The following MAGI2 variants were observed in gnomAD, a reference collection of about 807,000 sequenced individuals.
The protein encoded by MAGI2 is membrane associated guanylate kinase, WW and PDZ domain containing 2.
Under a neutral mutation model 133.3 loss-of-function variants are expected in MAGI2, and 35 were observed. That is an observed-to-expected ratio of 0.26 (90% CI 0.20 to 0.35). The LOEUF (loss-of-function observed/expected upper bound fraction) is 0.35, where lower values mean the gene tolerates loss of function less well. Ranked by LOEUF, MAGI2 falls within the 10% of genes least tolerant of loss-of-function variation. MAGI2 has a pLI of 1.00. For synonymous variants in MAGI2, 729 were observed against 710.6 expected (o/e 1.03, Z -0.41); for missense variants, 1,636 against 1,863.4 (o/e 0.88, Z 2.25).
rs374443655 is a variant in MAGI2, at chr7:78,387,358, A to G, written c.1046-18145T>C. Among the ~76,000 whole-genome samples the G allele has an allele frequency of 3.3e-5, 5 of 152,300 alleles. No homozygotes were observed. The East Asian group carries it at 9.7e-4, about 29-fold the overall frequency. On this transcript the variant is annotated intron_variant, in intron 6 of 21. Coordinates refer to ENST00000354212, the MANE Select transcript of MAGI2 (RefSeq NM_012301.4). Reference sequence around the variant, plus strand: ...ACAGCAGAGACCAGGAAAGATAGCAAACAGCAGGCAGACCACAGACCCACT... The same window carrying G: ...ACAGCAGAGACCAGGAAAGATAGCAGACAGCAGGCAGACCACAGACCCACT...
chr7:79,374,466 G>A (rs1226663654), intron 1 of MAGI2, among the ~76,000 whole-genome samples: 1 of 151,904 alleles, frequency 6.6e-6, no homozygotes, highest in African/African-American at 2.4e-5. Context: ...TTTTCAATGG[G>A]AGCATGGCCC....
intron 20 of MAGI2, among the ~76,000 whole-genome samples, chr7:78,109,685 G>A (rs1283124508): frequency 6.6e-6 from 1 of 152,158 alleles, no homozygotes; most frequent in Non-Finnish European, 1.5e-5. Context: ...TATCCTGCAA[G>A]CAAAGGCAGG....
rs558905102 is a variant in MAGI2 at position 79,128,422 on chromosome 7, T to C, written c.302-121216A>G. ...TTCAACTCATTTGAATGTTAAACTT[T>C]TGAAAACATTTTATTTTGAAATAAA... On this transcript the variant is annotated intron_variant, in intron 1 of 21. Transcript: ENST00000354212. Among the ~76,000 whole-genome samples the C allele has an allele frequency of 8.5e-5, 13 of 152,292 alleles. No homozygotes were observed. The South Asian group carries it at 2.7e-3, about 32-fold the overall frequency.
At chr7:78,777,383 A>G (rs1826065988) in intron 2 of MAGI2, among the ~76,000 whole-genome samples, 1 of 152,150 alleles carries the variant, frequency 6.6e-6, no homozygotes, top group Non-Finnish European at 1.5e-5. Flanking sequence ...TCAGGCATTA[A>G]ATAACATAAT....
intron 2 of MAGI2, among the ~76,000 whole-genome samples, chr7:78,919,166 T>C (rs1448601579): frequency 2.0e-5 from 3 of 152,236 alleles, no homozygotes; most frequent in African/African-American, 7.2e-5. Flanking sequence ...CACTGTGTCT[T>C]TGTAATGTAG....
intron 2 of MAGI2, among the ~76,000 whole-genome samples, chr7:78,806,892 TAAAATA>T (rs1165112861): frequency 6.7e-6 from 1 of 149,068 alleles, no homozygotes; most frequent in East Asian, 2.0e-4. Context: ...TAAAATAAAA[TAAAATA>T]AAATAAAATA....
chr7:78,268,887 C>A (rs1221003520), intron 9 of MAGI2, among the ~76,000 whole-genome samples: 1 of 152,078 alleles, frequency 6.6e-6, no homozygotes, highest in East Asian at 1.9e-4. Flanking sequence ...CTGTACCCTT[C>A]AACCCATCAT....
At chr7:79,035,782 C>T (rs1362909352) in intron 1 of MAGI2, among the ~76,000 whole-genome samples, 1 of 152,094 alleles carries the variant, frequency 6.6e-6, no homozygotes, top group Admixed American at 6.6e-5. Flanking sequence ...TCATGGAGAG[C>T]ACTTTGTTAC....
chr7:78,560,965 T>A (rs1005888307), intron 3 of MAGI2, among the ~76,000 whole-genome samples: 1 of 152,180 alleles, frequency 6.6e-6, no homozygotes, highest in African/African-American at 2.4e-5. Context: ...TCAGGTGTCC[T>A]AGAGAAAGGT....
At chr7:79,352,080 G>A (rs545673394) in intron 1 of MAGI2, among the ~76,000 whole-genome samples, 2 of 152,056 alleles carry the variant, frequency 1.3e-5, no homozygotes, top group Admixed American at 1.3e-4. Flanking sequence ...AATTAATAAT[G>A]GGAAGAATTC....
At chr7:78,295,990 A>G (rs1252501372) in intron 9 of MAGI2, among the ~76,000 whole-genome samples, 1 of 152,012 alleles carries the variant, frequency 6.6e-6, no homozygotes, top group Non-Finnish European at 1.5e-5. Flanking sequence ...CCTCCAAAAT[A>G]TGTATTTACT....
intron 2 of MAGI2, among the ~76,000 whole-genome samples, chr7:79,001,698 T>C (rs1234135490): frequency 6.6e-6 from 1 of 152,226 alleles, no homozygotes; most frequent in Non-Finnish European, 1.5e-5. Context: ...ATTTTTGCTC[T>C]TTAAACATTT....
At chr7:78,823,137 T>C (rs1166740781) in intron 2 of MAGI2, among the ~76,000 whole-genome samples, 21 of 152,206 alleles carry the variant, frequency 1.4e-4, no homozygotes, top group Admixed American at 1.4e-3. Flanking sequence ...AAAGGTTGTC[T>C]GTCAACTTAA....
At chr7:78,090,458 T>C (rs1022313838) in intron 20 of MAGI2, among the ~76,000 whole-genome samples, 4 of 152,010 alleles carry the variant, frequency 2.6e-5, no homozygotes, top group African/African-American at 9.7e-5. Context: ...GGGAGAGTCT[T>C]TGGGGGAGGT....
chr7:78,972,312 CCTTA>C (rs1198390628), intron 2 of MAGI2, among the ~76,000 whole-genome samples: 3 of 151,924 alleles, frequency 2.0e-5, no homozygotes, highest in Non-Finnish European at 2.9e-5. Flanking sequence ...ATATTTCCTT[CCTTA>C]CTATCAAAAA....
chr7:78,499,597 C>G (rs2150520050), intron 5 of MAGI2, among the ~76,000 whole-genome samples: 1 of 152,278 alleles, frequency 6.6e-6, no homozygotes, highest in Non-Finnish European at 1.5e-5. Context: ...TTCTTCACAA[C>G]CTCAAAACCT....
At chr7:78,278,865 TG>T (rs1324682996) in intron 9 of MAGI2, among the ~76,000 whole-genome samples, 1 of 152,212 alleles carries the variant, frequency 6.6e-6, no homozygotes, top group African/African-American at 2.4e-5. Context: ...ACTCTGGTTT[TG>T]TTTCTCTGGA....
chr7:78,681,672 C>T (rs890709324), intron 2 of MAGI2, among the ~76,000 whole-genome samples: 2 of 152,058 alleles, frequency 1.3e-5, no homozygotes, highest in African/African-American at 4.8e-5. Flanking sequence ...AGGAAGGAGA[C>T]CTGGGGAGAA....
At chr7:78,785,578 T>C (rs753278729) in intron 2 of MAGI2, among the ~76,000 whole-genome samples, 1 of 152,186 alleles carries the variant, frequency 6.6e-6, no homozygotes, top group Non-Finnish European at 1.5e-5. Context: ...TGTTTCCTTT[T>C]TTGGGATTTA....
Sources: gnomAD v4.1 joint callset for allele counts (sites outside exome capture counted in the v4.1 genomes callset) on GRCh38, gnomAD v4.1.1 for gene constraint, MANE v1.5 for transcripts, NCBI Gene and HGNC (gene_info 2026-07-23, HGNC 2026-07-21) for gene names.